AGBL4: variants seen among roughly 807,000 people sequenced by gnomAD.
AGBL4 encodes the protein cytosolic carboxypeptidase 6.
In AGBL4, 58 loss-of-function variants were observed where a neutral mutation model predicts 66.4. The ratio of observed to expected loss-of-function variants is 0.87; its 90% CI spans 0.71 to 1.09. AGBL4 has a LOEUF of 1.09. AGBL4 is among the 50% of genes least tolerant of loss of function. AGBL4 has a pLI of 0.00. For missense variants in AGBL4, 579 were observed against 631.0 expected (o/e 0.92, Z 0.88); for synonymous variants, 234 against 222.9 (o/e 1.05, Z -0.44).
At chr1:48,702,832 A>G (rs894414591) in intron 6 of AGBL4, among the ~76,000 whole-genome samples, 30 of 152,336 alleles carry the variant, frequency 2.0e-4, no homozygotes, top group African/African-American at 7.0e-4. Flanking sequence ...CAGAAAATCT[A>G]GAAGTTGACC....
chr1:49,544,890 G>C (rs765252880), intron 3 of AGBL4, among the ~76,000 whole-genome samples: 1 of 152,236 alleles, frequency 6.6e-6, no homozygotes, highest in African/African-American at 2.4e-5. Flanking sequence ...GGTGAACCCC[G>C]GACTTCTTTC....
chr1:49,983,282 C>A (rs756088364), intron 1 of AGBL4, among the ~76,000 whole-genome samples: 1 of 152,236 alleles, frequency 6.6e-6, no homozygotes, highest in Admixed American at 6.5e-5. Context: ...CAGTTCCTGA[C>A]GTCTCCAAGC....
intron 6 of AGBL4, among the ~76,000 whole-genome samples, chr1:48,708,023 G>C (rs1174780113): frequency 6.6e-6 from 1 of 152,226 alleles, no homozygotes; most frequent in East Asian, 1.9e-4. Context: ...CGTGATGTGG[G>C]CAGTATTGTT....
At chr1:48,526,133 A>G in the AGBL4 span, among the ~76,000 whole-genome samples, 1 of 152,222 alleles carries the variant, frequency 6.6e-6, no homozygotes, top group Non-Finnish European at 1.5e-5. Context: ...CAGGGGAATC[A>G]GGCAAAATGA....
At chr1:49,913,512 G>A (rs890218688) in intron 1 of AGBL4, among the ~76,000 whole-genome samples, 20 of 152,230 alleles carry the variant, frequency 1.3e-4, no homozygotes, top group Non-Finnish European at 2.4e-4. Flanking sequence ...CAGCCCACAC[G>A]TCAGTGCTCT....
chr1:49,491,867 C>T (rs556395275), intron 3 of AGBL4, among the ~76,000 whole-genome samples: 1 of 152,028 alleles, frequency 6.6e-6, no homozygotes, highest in East Asian at 1.9e-4. Flanking sequence ...ATGCCTGAAA[C>T]CACAGACAGT....
intron 11 of AGBL4, among the ~76,000 whole-genome samples, chr1:48,557,221 G>A (rs933828995): frequency 2.0e-5 from 3 of 152,116 alleles, no homozygotes; most frequent in African/African-American, 7.2e-5. Context: ...TTTTCTATGT[G>A]AAACAATAAA....
At chr1:49,734,912 G>A (rs1027684971) in intron 2 of AGBL4, among the ~76,000 whole-genome samples, 3 of 152,000 alleles carry the variant, frequency 2.0e-5, no homozygotes, top group Non-Finnish European at 4.4e-5. Flanking sequence ...ATGATACAAG[G>A]ATAGGCATAT....
chr1:49,525,256 A>G (rs748506204), intron 3 of AGBL4, among the ~76,000 whole-genome samples: 11 of 152,184 alleles, frequency 7.2e-5, no homozygotes, highest in Non-Finnish European at 1.0e-4. Context: ...AAATCTGATA[A>G]TAGCAGGAAT....
At chr1:49,217,551 C>A (rs1314585280) in intron 4 of AGBL4, among the ~76,000 whole-genome samples, 2 of 152,102 alleles carry the variant, frequency 1.3e-5, no homozygotes, top group African/African-American at 4.8e-5. Context: ...TAGCACTGAG[C>A]ACATTATATG....
At chr1:49,574,904 A>G (rs1178680023) in intron 3 of AGBL4, among the ~76,000 whole-genome samples, 2 of 152,010 alleles carry the variant, frequency 1.3e-5, no homozygotes, top group Non-Finnish European at 2.9e-5. Flanking sequence ...TGAATGGACA[A>G]AAGACTAATT....
intron 5 of AGBL4, among the ~76,000 whole-genome samples, chr1:48,986,470 T>G (rs1660185556): frequency 6.6e-6 from 1 of 151,592 alleles, no homozygotes; most frequent in Admixed American, 6.6e-5. Context: ...GAAAACAGAC[T>G]TCTCTTTGGA....
At chr1:49,150,807 A>T (rs1646312712) in intron 4 of AGBL4, among the ~76,000 whole-genome samples, 1 of 152,064 alleles carries the variant, frequency 6.6e-6, no homozygotes, top group African/African-American at 2.4e-5. Context: ...TATCCTATAG[A>T]TTCTTATCAC....
intron 5 of AGBL4, among the ~76,000 whole-genome samples, chr1:48,869,349 G>A (rs1190578906): frequency 6.6e-6 from 1 of 152,174 alleles, no homozygotes; most frequent in African/African-American, 2.4e-5. Context: ...AGGCCAGTGG[G>A]ACATCTGGCT....
intron 12 of AGBL4, among the ~76,000 whole-genome samples, chr1:48,536,644 C>T (rs925321409): frequency 6.6e-6 from 1 of 152,202 alleles, no homozygotes; most frequent in Non-Finnish European, 1.5e-5. Flanking sequence ...AGCCCCGTTA[C>T]ACACACATAC....
chr1:49,701,031 C>T (rs1313057028), intron 2 of AGBL4, among the ~76,000 whole-genome samples: 1 of 151,744 alleles, frequency 6.6e-6, no homozygotes, highest in South Asian at 2.1e-4. Flanking sequence ...ACAAAGCTCA[C>T]CAAGAAGAAA....
At chr1:49,922,894 C>A (rs1486744507) in intron 1 of AGBL4, among the ~76,000 whole-genome samples, 1 of 152,076 alleles carries the variant, frequency 6.6e-6, no homozygotes, top group Non-Finnish European at 1.5e-5. Flanking sequence ...CTGCCCAAAG[C>A]AATTTATAGA....
chr1:49,899,352 A>G (rs889558912), intron 1 of AGBL4, among the ~76,000 whole-genome samples: 5 of 152,160 alleles, frequency 3.3e-5, no homozygotes, highest in African/African-American at 1.2e-4. Flanking sequence ...TAATAATTTA[A>G]TTGTACATTT....
chr1:49,205,594 A>G (rs1648070359), intron 4 of AGBL4, among the ~76,000 whole-genome samples: 1 of 152,076 alleles, frequency 6.6e-6, no homozygotes, highest in South Asian at 2.1e-4. Flanking sequence ...CCAGGAGTCA[A>G]AAGACTCTGG....
Sources: allele counts gnomAD v4.1 joint callset (sites outside exome capture counted in the v4.1 genomes callset), GRCh38; gene constraint gnomAD v4.1.1; transcripts MANE v1.5; gene names NCBI Gene and HGNC (gene_info 2026-07-23, HGNC 2026-07-21).